The following ZNF175 variants were observed in gnomAD, a reference collection of about 807,000 sequenced individuals.
ZNF175 encodes zinc finger protein 175.
ZNF175 carries 8 observed loss-of-function variants against 14.0 expected under a neutral mutation model. That is an observed-to-expected ratio of 0.57 (90% confidence interval 0.34 to 1.03). The LOEUF (loss-of-function observed/expected upper bound fraction) is 1.03, where lower values mean the gene tolerates loss of function less well. Among genes scored for constraint, ZNF175 ranks in the 50% least tolerant of loss-of-function variants. The pLI is 0.03. For synonymous variants in ZNF175, 255 were observed against 296.8 expected, an observed-to-expected ratio of 0.86 and a Z score of 1.45; for missense variants, 764 against 849.5, an observed-to-expected ratio of 0.90 and a Z score of 1.25.
Position 51,586,795 on chromosome 19 carries a change from C to A in ZNF175, c.464C>A (p.Pro155His). The change falls in exon 5 of 5, where the codon CCC becomes CAC. Residue 155 changes from proline (P) to histidine (H), a missense_variant. Physicochemically the swap from Pro to His is moderately conservative, Grantham distance 77. Transcript: ENST00000262259. The part of the protein sequence containing the change: ...TKKDEQNQIQ[P>H]MSHSAFFNKK... ...AAAGATGAGCAAAATCAAATTCAAC[C>A]CATGAGTCACAGTGCTTTCTTCAAC... is the stretch of plus-strand genomic sequence containing the variant. 6.2e-7 allele frequency: 1 copy of A among 1,614,152 alleles called. No homozygotes were observed. The highest frequency in any genetic ancestry group is 8.5e-7 in the Non-Finnish European group (1 of 1,180,018).
chr19:51,580,302 A>AATATCT (rs1981954777), intron 2 of ZNF175, among the ~76,000 whole-genome samples: 2 of 152,138 alleles, frequency 1.3e-5, no homozygotes, highest in Non-Finnish European at 2.9e-5. Flanking sequence ...GCATCATATT[A>AATATCT]GGTGCACTTT....
At position 51,587,217 on chromosome 19, in the gene ZNF175, G is replaced by T. The variant is rs370686821; in HGVS notation, c.886G>T (p.Ala296Ser). 64 of 1,614,014 alleles carry T rather than the reference G, an allele frequency of 4.0e-5. No homozygotes were observed. Among genetic ancestry groups the T allele is most frequent in the Non-Finnish European group, 5.1e-6 (6 of 1,180,022 alleles). The change falls in exon 5 of 5, where the codon GCC (alanine) becomes TCC (serine). Residue 296 changes from alanine (A) to serine (S), a missense_variant. By Grantham distance (99) the Ala-to-Ser change is moderately conservative. Coordinates refer to ENST00000262259, the MANE Select transcript of ZNF175 (RefSeq NM_007147.4). Reference protein sequence around the residue: ...GSFTQKSHLFAQQRIHSVGNL... With the variant: ...GSFTQKSHLFSQQRIHSVGNL... ...CTTCACCCAGAAGTCACACCTCTTTGCCCAACAGAGAATTCATAGTGTAGG... is the reference window on the plus strand; with the variant it reads ...CTTCACCCAGAAGTCACACCTCTTTTCCCAACAGAGAATTCATAGTGTAGG...
chr19:51,586,980 A>C lies in ZNF175; in HGVS notation c.649A>C (p.Ser217Arg). The change falls in exon 5 of 5, where the codon AGC becomes CGC. Residue 217 changes from serine to arginine, a missense_variant. Coordinates refer to ENST00000262259, the MANE Select transcript of ZNF175 (RefSeq NM_007147.4). ...CCTAGAAGTGAACGGTCAGAATGAAAGCAATGACACAGAACAGCTTGATGA... is the reference window on the plus strand; with the variant it reads ...CCTAGAAGTGAACGGTCAGAATGAACGCAATGACACAGAACAGCTTGATGA... ...LNLEVNGQNE[S>R]NDTEQLDDVV... 1 of 1,614,238 alleles carries C rather than the reference A, an allele frequency of 6.2e-7. No individual in the cohort carries two copies. The highest frequency in any genetic ancestry group is 1.6e-4 in the Middle Eastern group (1 of 6,062).
At chr19:51,572,598 G>A (rs114509867) in intron 1 of ZNF175, among the ~76,000 whole-genome samples, 507 of 152,262 alleles carry the variant, frequency 3.3e-3, no homozygotes, top group African/African-American at 0.011. Flanking sequence ...CTGGAAGCTG[G>A]CCACGTATGG....
In ZNF175 at chr19:51,587,687, CG is replaced by C; in HGVS notation, c.1359del (p.Gln454ArgfsTer9). ...GQKSYVCIEC[G>X]QAFIQKAHLI... ...AGAAGTCCTATGTGTGTATCGAATGCGGGCAGGCCTTCATCCAGAAGGCACA... is the reference window on the plus strand; with the variant it reads ...AGAAGTCCTATGTGTGTATCGAATGCGGCAGGCCTTCATCCAGAAGGCACA... On this transcript the variant is annotated frameshift_variant, in exon 5 of 5. Transcript: ENST00000262259. LOFTEE classifies it low-confidence loss of function (END_TRUNC). The C allele has an allele frequency of 6.2e-7, 1 of 1,613,740 alleles. No homozygotes were observed. The highest frequency in any genetic ancestry group is 8.5e-7 in the Non-Finnish European group (1 of 1,179,952).
chr19:51,587,709 GCACACCTGATTGTCCATCAAAGAAGC>G lies in ZNF175; in HGVS notation c.1384_1409del (p.Leu462ArgfsTer21). On this transcript the variant is annotated frameshift_variant, in exon 5 of 5. Transcript: ENST00000262259. LOFTEE classifies it low-confidence loss of function (END_TRUNC). ...ATGCGGGCAGGCCTTCATCCAGAAG[GCACACCTGATTGTCCATCAAAGAAGC>G]CACACAGGAGAAAAACCTTATCAGT... 6.2e-7 allele frequency: 1 copy of G among 1,613,984 alleles called. No individual in the cohort carries two copies. Among genetic ancestry groups the G allele is most frequent in the Non-Finnish European group, 8.5e-7 (1 of 1,180,010 alleles).
chr19:51,583,627 A>AT (rs1407009980), intron 4 of ZNF175, among the ~76,000 whole-genome samples: 6 of 152,156 alleles, frequency 3.9e-5, no homozygotes, highest in African/African-American at 1.4e-4. Flanking sequence ...ATACTGACAG[A>AT]TTTTATGACC....
intron 4 of ZNF175, among the ~76,000 whole-genome samples, chr19:51,585,806 T>C (rs1391491596): frequency 6.6e-6 from 1 of 152,158 alleles, no homozygotes; most frequent in Non-Finnish European, 1.5e-5. Flanking sequence ...TTTGATAGCA[T>C]AAAGCCAAAA....
At position 51,586,248 on chromosome 19, in the gene ZNF175, C is replaced by T. The variant is rs141919398; in HGVS notation, c.296-379C>T. On this transcript the variant is annotated intron_variant, in intron 4 of 4. Coordinates refer to ENST00000262259, the MANE Select transcript of ZNF175 (RefSeq NM_007147.4). ...TCCTACTAGATCTGGGTGTCTAGAC[C>T]ACTTGCATAAGTGTCCTCAGGTTGT... Among the ~76,000 whole-genome samples the T allele has an allele frequency of 3.0e-3, 455 of 152,272 alleles. 2 individuals are homozygous for T. Among genetic ancestry groups the T allele is most frequent in the African/African-American group, 0.011 (437 of 41,542 alleles).
intron 2 of ZNF175, among the ~76,000 whole-genome samples, chr19:51,574,565 C>T (rs916862704): frequency 2.0e-5 from 3 of 152,136 alleles, no homozygotes; most frequent in Non-Finnish European, 1.5e-5. Flanking sequence ...CTACTGAGTA[C>T]GTTGACGTGG....
At chr19:51,579,430 A>T (rs1002647641) in intron 2 of ZNF175, among the ~76,000 whole-genome samples, 6 of 148,190 alleles carry the variant, frequency 4.0e-5, no homozygotes, top group East Asian at 2.0e-4. Flanking sequence ...CCCAAAAAAA[A>T]TTTTTTTTTT....
intron 2 of ZNF175, among the ~76,000 whole-genome samples, chr19:51,579,293 C>T (rs776695280): frequency 1.3e-5 from 2 of 149,720 alleles, no homozygotes; most frequent in East Asian, 2.0e-4. Flanking sequence ...TGGTAGTGCA[C>T]GCCTGTGGTC....
chr19:51,577,054 C>T (rs1462203935), intron 2 of ZNF175, among the ~76,000 whole-genome samples: 2 of 151,784 alleles, frequency 1.3e-5, no homozygotes, highest in African/African-American at 4.8e-5. Flanking sequence ...AAAACAAAAA[C>T]GAAAACAAAA....
rs148255081 is a variant in ZNF175, at chr19:51,588,077, G to C, written c.1746G>C (p.Thr582=). The C allele has an allele frequency of 6.2e-7, 1 of 1,614,086 alleles. No individual in the cohort carries two copies. Among genetic ancestry groups the C allele is most frequent in the East Asian group, 2.2e-5 (1 of 44,870 alleles). Residue 582 remains threonine (T), a synonymous_variant, in exon 5 of 5, where the codon ACG becomes ACC. Transcript: ENST00000262259. ...SQFKEHQRIH[T]GEKPYVCTEC... ...TCAAAGAGCATCAGCGAATTCACAC[G>C]GGTGAGAAACCCTATGTGTGCACTG... is the stretch of plus-strand genomic sequence containing the variant.
chr19:51,588,001 A>C lies in ZNF175; in HGVS notation c.1670A>C (p.Lys557Thr), dbSNP rs893714930. The C allele has an allele frequency of 2.5e-6, 4 of 1,613,876 alleles. No individual in the cohort carries two copies. The highest frequency in any genetic ancestry group is 1.3e-5 in the African/African-American group (1 of 74,860). Reference sequence around the variant, plus strand: ...CATCAGAGAATTCACACCGGAGAGAAGCCTTACAAATGCAGTGAATGTGGG... The same window carrying C: ...CATCAGAGAATTCACACCGGAGAGACGCCTTACAAATGCAGTGAATGTGGG... ...SMHQRIHTGE[K>T]PYKCSECGKA... Residue 557 changes from lysine (K) to threonine (T), a missense_variant, in exon 5 of 5, where the codon AAG becomes ACG. Physicochemically the swap from Lys to Thr is moderately conservative, Grantham distance 78. Transcript: ENST00000262259.
chr19:51,574,101 A>G (rs1981690885), intron 2 of ZNF175: 1 of 152,228 alleles, frequency 6.6e-6, no homozygotes, highest in South Asian at 2.1e-4. Flanking sequence ...TGTGACTATA[A>G]TAGTAAACAG....
At chr19:51,581,279 C>G (rs966293571) in intron 2 of ZNF175, 112 bp from the exon 3 acceptor site, 9 of 1,472,454 alleles carry the variant, frequency 6.1e-6, no homozygotes, top group Non-Finnish European at 8.4e-6. Context: ...TGGTGGGAAG[C>G]CTCTGTGATG....
At chr19:51,581,354 G>A in intron 2 of ZNF175, 37 bp from the exon 3 acceptor site, 1 of 1,614,070 alleles carries the variant, frequency 6.2e-7, no homozygotes, top group Non-Finnish European at 8.5e-7. Flanking sequence ...CGCCAATGAT[G>A]ACCTAATTCA....
chr19:51,577,962 A>G (rs934269021), intron 2 of ZNF175, among the ~76,000 whole-genome samples: 51 of 151,446 alleles, frequency 3.4e-4, no homozygotes, highest in Non-Finnish European at 2.7e-4. Flanking sequence ...CGCACCTGGC[A>G]TACCCCTCTC....
Sources: allele counts gnomAD v4.1 joint callset (sites outside exome capture counted in the v4.1 genomes callset), GRCh38; gene constraint gnomAD v4.1.1; transcripts MANE v1.5; gene names NCBI Gene and HGNC (gene_info 2026-07-23, HGNC 2026-07-21).